The following XIRP2 variants were observed in gnomAD, a reference collection of about 807,000 sequenced individuals.
The protein encoded by XIRP2 is xin actin-binding repeat-containing protein 2.
In XIRP2, 236 loss-of-function variants were observed where a neutral mutation model predicts 277.0. That is an observed-to-expected ratio of 0.85 (90% CI 0.77 to 0.95). The LOEUF (loss-of-function observed/expected upper bound fraction) is 0.95. XIRP2 is among the 40% of genes least tolerant of loss of function. XIRP2 has a pLI of 0.00. For missense variants in XIRP2, 4,640 were observed against 4,157.5 expected, an observed-to-expected ratio of 1.12 and a Z score of -3.19; for synonymous variants, 1,490 against 1,416.5, an observed-to-expected ratio of 1.05 and a Z score of -1.17.
At chr2:167,070,481 A>G (rs996748778) in intron 2 of XIRP2, among the ~76,000 whole-genome samples, 3 of 152,152 alleles carry the variant, frequency 2.0e-5, no homozygotes, top group African/African-American at 7.2e-5. Flanking sequence ...TCCTGTATCT[A>G]TATGCTGAAC....
chr2:166,998,185 C>T (rs183054457), intron 2 of XIRP2, among the ~76,000 whole-genome samples: 375 of 152,174 alleles, frequency 2.5e-3, no homozygotes, highest in Non-Finnish European at 4.3e-3. Context: ...AATGAACATA[C>T]GCATGCAAAT....
At chr2:167,205,222 C>T (rs924669856) in intron 3 of XIRP2, among the ~76,000 whole-genome samples, 6 of 152,156 alleles carry the variant, frequency 3.9e-5, no homozygotes, top group African/African-American at 1.4e-4. Context: ...CTATAACACC[C>T]TGTCTCTCCA....
intron 2 of XIRP2, among the ~76,000 whole-genome samples, chr2:167,009,723 C>T (rs1240239919): frequency 6.6e-6 from 1 of 151,980 alleles, no homozygotes; most frequent in Non-Finnish European, 1.5e-5. Context: ...CTCTCCAGCA[C>T]CTGTTGTTTC....
chr2:167,236,553 T>C (rs551528358), intron 5 of XIRP2, among the ~76,000 whole-genome samples: 1 of 152,202 alleles, frequency 6.6e-6, no homozygotes, highest in South Asian at 2.1e-4. Flanking sequence ...AGTTAGAGCA[T>C]ATACATCATC....
intron 1 of XIRP2, among the ~76,000 whole-genome samples, chr2:166,901,440 C>G (rs1684385973): frequency 6.6e-6 from 1 of 152,038 alleles, no homozygotes; most frequent in Admixed American, 6.6e-5. Context: ...CCAACTTGAT[C>G]CAGAAACAGA....
At chr2:167,256,424 TTA>T (rs1695658647) in intron 10 of XIRP2, among the ~76,000 whole-genome samples, 1 of 151,790 alleles carries the variant, frequency 6.6e-6, no homozygotes, top group Non-Finnish European at 1.5e-5. Flanking sequence ...GCTGATATTT[TTA>T]TCTTTTATTT....
At chr2:166,910,840 A>G (rs1284589677) in intron 2 of XIRP2, among the ~76,000 whole-genome samples, 1 of 152,188 alleles carries the variant, frequency 6.6e-6, no homozygotes, top group East Asian at 1.9e-4. Flanking sequence ...TTCAAAGAAC[A>G]TCTTTATTTC....
At chr2:167,130,639 T>C (rs1430123768) in intron 2 of XIRP2, among the ~76,000 whole-genome samples, 1 of 152,106 alleles carries the variant, frequency 6.6e-6, no homozygotes, top group Non-Finnish European at 1.5e-5. Context: ...TTTATCTGTC[T>C]TCCAGTTTAC....
At chr2:167,099,171 G>A (rs1329658878) in intron 2 of XIRP2, among the ~76,000 whole-genome samples, 1 of 152,108 alleles carries the variant, frequency 6.6e-6, no homozygotes, top group Non-Finnish European at 1.5e-5. Flanking sequence ...CTCCTGACTG[G>A]GGCTGCTGCC....
At position 167,244,911 on chromosome 2, in the gene XIRP2, T is replaced by A; in HGVS notation, c.3519T>A (p.Asn1173Lys). 6.2e-7 allele frequency: 1 copy of A among 1,613,026 alleles called. No homozygotes were observed. The highest frequency in any genetic ancestry group is 8.5e-7 in the Non-Finnish European group (1 of 1,179,648). ...RTACFLFETE[N>K]LDSIQGEEVK... ...CATGTTTTCTTTTTGAGACAGAAAA[T>A]TTGGACAGCATACAAGGAGAAGAAG... Residue 1173 changes from asparagine (N) to lysine (K), a missense_variant, in exon 9 of 11, where the codon AAT (asparagine) becomes AAA (lysine). By Grantham distance (94) the Asn-to-Lys change is moderately conservative. Transcript: ENST00000409195.
intron 2 of XIRP2, among the ~76,000 whole-genome samples, chr2:167,093,030 G>A (rs1008063761): frequency 2.0e-5 from 3 of 152,010 alleles, no homozygotes; most frequent in Non-Finnish European, 2.9e-5. Flanking sequence ...CGTGGAAATA[G>A]GTGTGAAAGC....
chr2:167,210,836 C>G lies in XIRP2; in HGVS notation c.664C>G (p.Arg222Gly), dbSNP rs767389886. Reference sequence around the variant, plus strand: ...CCACGAAGTGGTCTCCCTGAAGGAGCGGATGGCGAGGTACCAGGCAGCTGT... The same window carrying G: ...CCACGAAGTGGTCTCCCTGAAGGAGGGGATGGCGAGGTACCAGGCAGCTGT... ...DLHEVVSLKE[R>G]MARYQAAVSR... Residue 222 changes from arginine to glycine, a missense_variant, in exon 4 of 11, where the codon CGG becomes GGG. Coordinates refer to ENST00000409195, the MANE Select transcript of XIRP2 (RefSeq NM_152381.6). 1 of 1,614,146 alleles carries G rather than the reference C, an allele frequency of 6.2e-7. No individual in the cohort carries two copies. Among genetic ancestry groups the G allele is most frequent in the South Asian group, 1.1e-5 (1 of 91,078 alleles).
At position 167,243,912 on chromosome 2, in the gene XIRP2, A is replaced by G. The variant is rs1348533804; in HGVS notation, c.2520A>G (p.Arg840=). 6.2e-7 allele frequency: 1 copy of G among 1,614,070 alleles called. No homozygotes were observed. The highest frequency in any genetic ancestry group is 8.5e-7 in the Non-Finnish European group (1 of 1,179,968). ...AAATAATAGGTACAGATGTCTCCAGAAAGTGTTGGATGTTTGAAACCCAGC... is the reference window on the plus strand; with the variant it reads ...AAATAATAGGTACAGATGTCTCCAGGAAGTGTTGGATGTTTGAAACCCAGC... ...KEKIIGTDVS[R]KCWMFETQPL... is the part of the protein sequence containing the mutation. Residue 840 remains arginine, a synonymous_variant, in exon 9 of 11, where the codon AGA becomes AGG. Coordinates refer to ENST00000409195, the MANE Select transcript of XIRP2 (RefSeq NM_152381.6).
chr2:166,985,671 C>T (rs978002162), intron 2 of XIRP2, among the ~76,000 whole-genome samples: 4 of 152,012 alleles, frequency 2.6e-5, no homozygotes, highest in Admixed American at 6.6e-5. Context: ...ACTTGTGATC[C>T]GCCCACCTCA....
At chr2:167,018,835 C>T (rs1015554829) in intron 2 of XIRP2, among the ~76,000 whole-genome samples, 2 of 152,042 alleles carry the variant, frequency 1.3e-5, no homozygotes, top group African/African-American at 4.8e-5. Context: ...CTTGCCTTCC[C>T]TTTCTCAGTA....
rs745876611 is a variant in XIRP2, at chr2:167,245,983, A to G, written c.4591A>G (p.Thr1531Ala). 2 of 1,613,374 alleles carry G rather than the reference A, an allele frequency of 1.2e-6. No homozygotes were observed. Among genetic ancestry groups the G allele is most frequent in the South Asian group, 1.1e-5 (1 of 90,964 alleles). The change falls in exon 9 of 11, where the codon ACA (threonine) becomes GCA (alanine). Residue 1531 changes from threonine (T) to alanine (A), a missense_variant. Thr to Ala is a moderately conservative substitution (Grantham distance 58). Transcript: ENST00000409195. ...CAAAACAACCACATGGCTCTTTGAAACAACACCACTTCATGAATTTAATGA... is the reference window on the plus strand; with the variant it reads ...CAAAACAACCACATGGCTCTTTGAAGCAACACCACTTCATGAATTTAATGA... ...DVKTTTWLFETTPLHEFNETR... is the reference protein window; with the variant it reads ...DVKTTTWLFEATPLHEFNETR...
chr2:166,910,449 G>C (rs550143064), intron 2 of XIRP2, among the ~76,000 whole-genome samples: 2 of 151,890 alleles, frequency 1.3e-5, no homozygotes, highest in Admixed American at 6.6e-5. Flanking sequence ...CTGTGGGATC[G>C]GTGGTGATAT....
At chr2:167,080,199 T>C (rs891261887) in intron 2 of XIRP2, among the ~76,000 whole-genome samples, 6 of 152,154 alleles carry the variant, frequency 3.9e-5, no homozygotes, top group Middle Eastern at 3.2e-3. Flanking sequence ...AATGGTGATG[T>C]TGGTTAATTT....
intron 2 of XIRP2, among the ~76,000 whole-genome samples, chr2:167,093,744 C>T (rs1690217034): frequency 1.3e-5 from 2 of 152,088 alleles, no homozygotes; most frequent in Non-Finnish European, 2.9e-5. Flanking sequence ...GGTTCCAAGT[C>T]TTTGCTATTG....
Sources: allele counts gnomAD v4.1 joint callset (sites outside exome capture counted in the v4.1 genomes callset), GRCh38; gene constraint gnomAD v4.1.1; transcripts MANE v1.5; gene names NCBI Gene and HGNC (gene_info 2026-07-23, HGNC 2026-07-21).